HMGB1: variants seen among roughly 807,000 people sequenced by gnomAD.
The protein encoded by HMGB1 is high mobility group protein B1.
For synonymous variants in HMGB1, 81 were observed against 84.0 expected, an observed-to-expected ratio of 0.96 and a Z score of 0.19; for missense variants, 79 against 253.5, an observed-to-expected ratio of 0.31 and a Z score of 4.67.
intron 1 of HMGB1, among the ~76,000 whole-genome samples, chr13:30,582,757 C>G (rs767362465): frequency 6.6e-6 from 1 of 152,152 alleles, no homozygotes; most frequent in African/African-American, 2.4e-5. Context: ...TATAACCCCA[C>G]GTAACGACAG....
At chr13:30,577,776 C>T (rs898023597) in intron 1 of HMGB1, among the ~76,000 whole-genome samples, 1 of 152,236 alleles carries the variant, frequency 6.6e-6, no homozygotes, top group Non-Finnish European at 1.5e-5. Context: ...TACAACACAG[C>T]TTGGCACATT....
chr13:30,560,973 A>C (rs981700544), intron 1 of HMGB1, among the ~76,000 whole-genome samples: 1 of 152,030 alleles, frequency 6.6e-6, no homozygotes, highest in Non-Finnish European at 1.5e-5. Flanking sequence ...GCATAAGATA[A>C]CAGAGCGAAG....
intron 1 of HMGB1, among the ~76,000 whole-genome samples, chr13:30,548,775 T>G (rs1484856999): frequency 6.6e-6 from 1 of 152,194 alleles, no homozygotes; most frequent in African/African-American, 2.4e-5. Context: ...ATCAGGTGCC[T>G]GCAGAGCTTT....
intron 1 of HMGB1, among the ~76,000 whole-genome samples, chr13:30,564,128 A>G (rs1870080270): frequency 6.6e-6 from 1 of 152,148 alleles, no homozygotes; most frequent in South Asian, 2.1e-4. Flanking sequence ...CAGTTATAGG[A>G]CATGATTAAG....
rs182516878 is a variant in HMGB1 at position 30,570,550 on chromosome 13, T to G, written c.-15+46121A>C. Among the ~76,000 whole-genome samples, 412 of 152,346 alleles carry G rather than the reference T, an allele frequency of 2.7e-3. 2 individuals carry two copies. The highest frequency in any genetic ancestry group is 3.4e-3 in the Middle Eastern group (1 of 294). On this transcript the variant is annotated intron_variant, in intron 1 of 4. Transcript: ENST00000405805. ...CACACGCTGACACATAGGGGTCTAC[T>G]TACATATCCTTCATGTAATTGAGCT...
intron 1 of HMGB1, among the ~76,000 whole-genome samples, chr13:30,525,573 A>C (rs1056335000): frequency 3.3e-5 from 5 of 152,228 alleles, no homozygotes; most frequent in African/African-American, 1.2e-4. Flanking sequence ...ATTATGTAAA[A>C]AAATTCAACA....
At chr13:30,615,039 G>A (rs911219648) in intron 1 of HMGB1, among the ~76,000 whole-genome samples, 2 of 151,954 alleles carry the variant, frequency 1.3e-5, no homozygotes, top group Admixed American at 1.3e-4. Context: ...AAATTTTAGA[G>A]TCTAATGTAT....
At chr13:30,481,480 T>C (rs936078255) in intron 1 of HMGB1, among the ~76,000 whole-genome samples, 1 of 152,338 alleles carries the variant, frequency 6.6e-6, no homozygotes, top group Admixed American at 6.5e-5. Context: ...CCAGAAGGAG[T>C]AATAAGAAAG....
At chr13:30,608,963 A>G (rs1950486382) in intron 1 of HMGB1, among the ~76,000 whole-genome samples, 2 of 152,252 alleles carry the variant, frequency 1.3e-5, no homozygotes, top group Non-Finnish European at 1.5e-5. Flanking sequence ...ACTATAAAAA[A>G]CACGATTAAT....
chr13:30,593,845 G>C (rs931404872), intron 1 of HMGB1, among the ~76,000 whole-genome samples: 1 of 152,076 alleles, frequency 6.6e-6, no homozygotes, highest in African/African-American at 2.4e-5. Flanking sequence ...AAATATCAAT[G>C]CCATAAAAGA....
In HMGB1 at chr13:30,463,609, C is replaced by T; in HGVS notation, c.72G>A (p.Arg24=). 1 of 1,604,074 alleles carries T rather than the reference C, an allele frequency of 6.2e-7. No homozygotes were observed. The highest frequency in any genetic ancestry group is 8.5e-7 in the Non-Finnish European group (1 of 1,175,464). The change falls in exon 2 of 5, where the codon CGG becomes CGA. Residue 24 remains arginine, a synonymous_variant. Transcript: ENST00000341423. ...CTGGGTGCTTCTTCTTATGCTCCTC[C>T]CGACAAGTTTGCACAAAAAATGCAT... ...SSYAFFVQTC[R]EEHKKKHPDA...
At chr13:30,570,278 C>G (rs554188485) in intron 1 of HMGB1, among the ~76,000 whole-genome samples, 4 of 152,196 alleles carry the variant, frequency 2.6e-5, no homozygotes, top group Admixed American at 1.3e-4. Flanking sequence ...CATAGCGAGA[C>G]CTTTTCTCTA....
intron 1 of HMGB1, among the ~76,000 whole-genome samples, chr13:30,608,371 G>T (rs1331925660): frequency 6.4e-4 from 97 of 151,780 alleles, no homozygotes; most frequent in East Asian, 1.9e-4. Context: ...ACTTATTTAG[G>T]TACTAAAAAT....
chr13:30,471,514 A>ATT (rs933222421), intron 1 of HMGB1, among the ~76,000 whole-genome samples: 1 of 140,472 alleles, frequency 7.1e-6, no homozygotes, highest in African/African-American at 2.6e-5. Flanking sequence ...CACCTGGCTA[A>ATT]TTTTTTTTTT....
chr13:30,571,502 G>A (rs1423490926), intron 1 of HMGB1, among the ~76,000 whole-genome samples: 1 of 152,030 alleles, frequency 6.6e-6, no homozygotes, highest in Non-Finnish European at 1.5e-5. Context: ...CACCATGCTG[G>A]CCAGGCTGGT....
At chr13:30,489,199 A>C (rs376886496) in intron 1 of HMGB1, among the ~76,000 whole-genome samples, 3 of 152,262 alleles carry the variant, frequency 2.0e-5, no homozygotes, top group East Asian at 3.9e-4. Flanking sequence ...AGGCACTTCT[A>C]AAAACTCTTG....
chr13:30,575,719 T>C (rs752646152), intron 1 of HMGB1, among the ~76,000 whole-genome samples: 4 of 152,164 alleles, frequency 2.6e-5, no homozygotes, highest in Non-Finnish European at 5.9e-5. Context: ...GTGGGGTTAG[T>C]CAATGATAGG....
At chr13:30,543,063 C>T (rs1868966831) in intron 1 of HMGB1, 1 of 150,440 alleles carries the variant, frequency 6.6e-6, no homozygotes, top group South Asian at 2.1e-4. Flanking sequence ...CTCCAAAGCA[C>T]ATTTGGCACA....
chr13:30,505,782 A>G (rs1336916589), intron 1 of HMGB1, among the ~76,000 whole-genome samples: 5 of 152,204 alleles, frequency 3.3e-5, no homozygotes, highest in Non-Finnish European at 7.3e-5. Context: ...ACCTCAGTGC[A>G]CACAATCACC....
Sources: allele counts gnomAD v4.1 joint callset (sites outside exome capture counted in the v4.1 genomes callset), GRCh38; gene constraint gnomAD v4.1.1; transcripts MANE v1.5; gene names NCBI Gene and HGNC (gene_info 2026-07-23, HGNC 2026-07-21).